Variants in UNC5D observed in about 807,000 individuals in gnomAD.
The protein encoded by UNC5D is unc-5 netrin receptor D.
UNC5D carries 39 observed loss-of-function variants against 105.4 expected under a neutral mutation model. That is an observed-to-expected ratio of 0.37 (90% CI 0.29 to 0.48). UNC5D has a LOEUF of 0.48. UNC5D is among the 20% of genes least tolerant of loss of function. UNC5D has a pLI of 0.98. For missense variants in UNC5D, 991 were observed against 1,202.4 expected, an observed-to-expected ratio of 0.82 and a Z score of 2.60; for synonymous variants, 452 against 450.4, an observed-to-expected ratio of 1.00 and a Z score of -0.04.
At chr8:35,700,741 C>CT (rs756938275) in intron 7 of UNC5D, among the ~76,000 whole-genome samples, 1 of 152,150 alleles carries the variant, frequency 6.6e-6, no homozygotes, top group Non-Finnish European at 1.5e-5. Flanking sequence ...GCTCCAGAAA[C>CT]TAATTCATAT....
chr8:35,426,917 A>G (rs1806292741), intron 1 of UNC5D, among the ~76,000 whole-genome samples: 1 of 152,176 alleles, frequency 6.6e-6, no homozygotes, highest in Admixed American at 6.5e-5. Context: ...CACAGTGAGT[A>G]AAAGCCATGG....
intron 11 of UNC5D, among the ~76,000 whole-genome samples, chr8:35,739,731 T>C (rs771568659): frequency 6.6e-6 from 1 of 152,226 alleles, no homozygotes; most frequent in Admixed American, 6.5e-5. Flanking sequence ...CCATCTCTTT[T>C]ATTGCCCATG....
intron 1 of UNC5D, among the ~76,000 whole-genome samples, chr8:35,470,929 G>A (rs1469778980): frequency 6.6e-6 from 1 of 152,104 alleles, no homozygotes; most frequent in Admixed American, 6.6e-5. Flanking sequence ...TTGTCACTTA[G>A]GCATTGCATC....
chr8:35,435,929 T>A (rs1806978111), intron 1 of UNC5D, among the ~76,000 whole-genome samples: 1 of 152,094 alleles, frequency 6.6e-6, no homozygotes, highest in East Asian at 1.9e-4. Context: ...AAATGATTAT[T>A]TTCTTGGAAA....
In UNC5D at chr8:35,726,179, T is replaced by C; in HGVS notation, c.1331T>C (p.Met444Thr). 5 of 1,612,174 alleles carry C rather than the reference T, an allele frequency of 3.1e-6. No individual in the cohort carries two copies. Among genetic ancestry groups the C allele is most frequent in the South Asian group, 2.2e-5 (2 of 91,048 alleles). ...AACTCCCTGCTCCTGAATTCTGCCA[T>C]GCAGCCAGATCTGACAGTGAGCCGG... ...QGNSLLLNSA[M>T]QPDLTVSRTY... The change falls in exon 10 of 17, where the codon ATG becomes ACG. Residue 444 changes from methionine to threonine, a missense_variant. Around this residue, in one of 3 missense-constraint regions of UNC5D, gnomAD observed 944 missense variants for 1,131.6 expected, o/e 0.83. Coordinates refer to ENST00000404895, the MANE Select transcript of UNC5D (RefSeq NM_080872.4).
chr8:35,697,270 C>CAT (rs964930746), intron 7 of UNC5D, among the ~76,000 whole-genome samples: 1 of 150,508 alleles, frequency 6.6e-6, no homozygotes, highest in African/African-American at 2.4e-5. Context: ...ACATATTAAA[C>CAT]ATATATATAC....
At chr8:35,730,224 G>A (rs1438459795) in intron 10 of UNC5D, among the ~76,000 whole-genome samples, 2 of 152,158 alleles carry the variant, frequency 1.3e-5, no homozygotes, top group Non-Finnish European at 2.9e-5. Flanking sequence ...TCTTGGCCAA[G>A]GTGCAGTATT....
At chr8:35,331,148 G>A (rs548982022) in intron 1 of UNC5D, among the ~76,000 whole-genome samples, 5 of 152,284 alleles carry the variant, frequency 3.3e-5, no homozygotes, top group East Asian at 3.9e-4. Context: ...AGGAAGATGA[G>A]TGAGAGATGA....
intron 15 of UNC5D, among the ~76,000 whole-genome samples, chr8:35,774,067 CCT>C (rs1201306897): frequency 1.3e-5 from 2 of 152,236 alleles, no homozygotes; most frequent in Middle Eastern, 3.4e-3. Context: ...TTGTGACGCC[CCT>C]GAGTGGAAGA....
At chr8:35,246,124 T>G (rs1388108557) in intron 1 of UNC5D, among the ~76,000 whole-genome samples, 1 of 152,184 alleles carries the variant, frequency 6.6e-6, no homozygotes, top group Non-Finnish European at 1.5e-5. Flanking sequence ...TTTTCTCTAG[T>G]TCTTTTTATT....
At position 35,511,475 on chromosome 8, in the gene UNC5D, A is replaced by T. The variant is rs201541085; in HGVS notation, c.104-37817A>T. ...GTAGAGAGTTCCCACCTCTAAGATT[A>T]AAAAAAAAAAAAAAAAAAAAGGTCT... On this transcript the variant is annotated intron_variant, in intron 1 of 16. Coordinates refer to ENST00000404895, the MANE Select transcript of UNC5D (RefSeq NM_080872.4). Among the ~76,000 whole-genome samples the T allele has an allele frequency of 1.7e-3, 138 of 82,132 alleles. 1 individual carries two copies. In the East Asian group the frequency reaches 0.045, roughly 27 times the overall value. The allele number at this position is 82,132 out of a possible 152,430, so 53.9% of individuals were successfully genotyped here.
At chr8:35,355,281 A>T (rs2128913203) in intron 1 of UNC5D, among the ~76,000 whole-genome samples, 1 of 152,284 alleles carries the variant, frequency 6.6e-6, no homozygotes, top group African/African-American at 2.4e-5. Context: ...GTCATCAATC[A>T]GCTCAAACCT....
intron 1 of UNC5D, among the ~76,000 whole-genome samples, chr8:35,495,008 C>G (rs995110198): frequency 9.2e-5 from 14 of 151,986 alleles, no homozygotes; most frequent in African/African-American, 3.4e-4. Context: ...AGGAATGGTA[C>G]TCAGGGGATA....
chr8:35,680,270 A>C (rs1222240819), intron 4 of UNC5D, among the ~76,000 whole-genome samples: 1 of 152,142 alleles, frequency 6.6e-6, no homozygotes, highest in Non-Finnish European at 1.5e-5. Flanking sequence ...CTAAAATAAA[A>C]ACTCCATGTG....
chr8:35,691,311 C>T (rs912641942), intron 7 of UNC5D, among the ~76,000 whole-genome samples: 4 of 152,120 alleles, frequency 2.6e-5, no homozygotes, highest in South Asian at 2.1e-4. Flanking sequence ...AGCAAGACCC[C>T]GGTCTCTACA....
At chr8:35,402,394 A>G (rs1804525887) in intron 1 of UNC5D, among the ~76,000 whole-genome samples, 1 of 152,022 alleles carries the variant, frequency 6.6e-6, no homozygotes, top group African/African-American at 2.4e-5. Context: ...TATTTATAAA[A>G]CCATCTTATC....
chr8:35,661,856 C>T (rs1331880498), intron 4 of UNC5D, among the ~76,000 whole-genome samples: 1 of 152,128 alleles, frequency 6.6e-6, no homozygotes, highest in Non-Finnish European at 1.5e-5. Context: ...GCACAGGCTT[C>T]CTTTCTTAGA....
At chr8:35,238,069 G>A (rs7002997) in intron 1 of UNC5D, among the ~76,000 whole-genome samples, 3,043 of 152,234 alleles carry the variant, frequency 0.02, 113 homozygotes, top group African/African-American at 0.071. Flanking sequence ...AATAGTTTTT[G>A]TTCTTTAGGA....
chr8:35,385,630 G>T (rs1355400952), intron 1 of UNC5D, among the ~76,000 whole-genome samples: 1 of 151,794 alleles, frequency 6.6e-6, no homozygotes, highest in African/African-American at 2.4e-5. Flanking sequence ...CACGCCTGGA[G>T]AATTTTTTGT....
Sources: allele counts gnomAD v4.1 joint callset (sites outside exome capture counted in the v4.1 genomes callset), GRCh38; gene constraint gnomAD v4.1.1; regional missense constraint gnomAD v4.1.1; transcripts MANE v1.5; gene names NCBI Gene and HGNC (gene_info 2026-07-23, HGNC 2026-07-21).